The following GPC5 variants were observed in gnomAD, a reference collection of about 807,000 sequenced individuals.
GPC5 encodes glypican-5.
GPC5 carries 47 observed loss-of-function variants against 53.9 expected under a neutral mutation model. The observed-to-expected ratio is 0.87, with a 90% confidence interval of 0.69 to 1.11. GPC5 has a LOEUF of 1.11. Among genes scored for constraint, GPC5 ranks in the 50% most tolerant of loss-of-function variants. GPC5 has a pLI of 0.00. For missense variants in GPC5, 748 were observed against 713.1 expected, an observed-to-expected ratio of 1.05 and a Z score of -0.56; for synonymous variants, 286 against 263.3, an observed-to-expected ratio of 1.09 and a Z score of -0.84.
At chr13:92,049,752 T>C (rs1393750763) in intron 6 of GPC5, among the ~76,000 whole-genome samples, 1 of 152,174 alleles carries the variant, frequency 6.6e-6, no homozygotes, top group Non-Finnish European at 1.5e-5. Context: ...TAGATTGCAA[T>C]GTTAACTAAC....
intron 7 of GPC5, among the ~76,000 whole-genome samples, chr13:92,315,237 A>C (rs1566534841): frequency 6.6e-6 from 1 of 152,216 alleles, no homozygotes; most frequent in Non-Finnish European, 1.5e-5. Flanking sequence ...TAATCCCAGG[A>C]GCAAGATCGT....
At chr13:92,298,146 G>T (rs1041277046) in intron 7 of GPC5, among the ~76,000 whole-genome samples, 1 of 152,124 alleles carries the variant, frequency 6.6e-6, no homozygotes, top group South Asian at 2.1e-4. Context: ...CACACAATCC[G>T]AAGGGCCAGT....
chr13:92,676,241 A>G (rs1300520242), intron 7 of GPC5, among the ~76,000 whole-genome samples: 1 of 152,176 alleles, frequency 6.6e-6, no homozygotes, highest in Non-Finnish European at 1.5e-5. Flanking sequence ...TATAATTTGA[A>G]TAGCTCTTAG....
chr13:92,051,762 T>C (rs932103966), intron 6 of GPC5, among the ~76,000 whole-genome samples: 3 of 152,124 alleles, frequency 2.0e-5, no homozygotes, highest in African/African-American at 7.2e-5. Flanking sequence ...AGAGCCCCTC[T>C]CATATAAAAA....
At chr13:92,480,076 C>T (rs1388170217) in intron 7 of GPC5, among the ~76,000 whole-genome samples, 1 of 152,004 alleles carries the variant, frequency 6.6e-6, no homozygotes, top group Non-Finnish European at 1.5e-5. Flanking sequence ...CACTTGAGGC[C>T]AGGAGTTTGA....
At chr13:91,598,068 A>T (rs889694920) in intron 2 of GPC5, among the ~76,000 whole-genome samples, 6 of 152,076 alleles carry the variant, frequency 3.9e-5, no homozygotes, top group Non-Finnish European at 8.8e-5. Context: ...TCTTCTTTAA[A>T]ACTCTACAAG....
chr13:91,567,066 C>T (rs963597181), intron 2 of GPC5, among the ~76,000 whole-genome samples: 1 of 151,932 alleles, frequency 6.6e-6, no homozygotes, highest in Admixed American at 6.6e-5. Flanking sequence ...CTCCCATCAT[C>T]ATGCTTTTAT....
chr13:91,569,326 G>T (rs1048290152), intron 2 of GPC5, among the ~76,000 whole-genome samples: 1 of 152,040 alleles, frequency 6.6e-6, no homozygotes, highest in Non-Finnish European at 1.5e-5. Flanking sequence ...TAAGTTCTAG[G>T]TCAGTGTTTC....
chr13:92,859,255 T>G (rs1879105725), intron 7 of GPC5, among the ~76,000 whole-genome samples: 1 of 152,172 alleles, frequency 6.6e-6, no homozygotes, highest in Admixed American at 6.6e-5. Context: ...TCTCTAAAAA[T>G]AATAACAAAA....
intron 7 of GPC5, among the ~76,000 whole-genome samples, chr13:92,230,066 C>T (rs2042518925): frequency 6.6e-6 from 1 of 151,952 alleles, no homozygotes. Context: ...ATACATTTGT[C>T]TAAAAGAGAA....
chr13:91,648,428 C>A (rs549984172), intron 2 of GPC5, among the ~76,000 whole-genome samples: 173 of 134,424 alleles, frequency 1.3e-3, no homozygotes, highest in African/African-American at 6.6e-3. Context: ...ATGAGATTGT[C>A]ACTCTTACAT....
intron 7 of GPC5, among the ~76,000 whole-genome samples, chr13:92,545,606 G>C (rs993538188): frequency 6.6e-5 from 10 of 152,028 alleles, no homozygotes; most frequent in African/African-American, 1.2e-4. Flanking sequence ...TTTAATGATC[G>C]CCATTCTAAC....
At chr13:92,703,052 A>ATATT (rs138015246) in intron 7 of GPC5, among the ~76,000 whole-genome samples, 15,009 of 145,708 alleles carry the variant, frequency 0.1, 839 homozygotes, top group Middle Eastern at 0.15. Context: ...GCATATATAT[A>ATATT]TATTTATTTA....
Position 92,216,104 on chromosome 13 carries a change from C to T in GPC5, c.1561+71115C>T, listed in dbSNP as rs186137383. On this transcript the variant is annotated intron_variant, in intron 7 of 7. Coordinates refer to ENST00000377067, the MANE Select transcript of GPC5 (RefSeq NM_004466.6). ...ACAGAAAAACATCATTCCTGAGATACAGACGGGCAGTTCTTCCAGACCAGT... is the reference window on the plus strand; with the variant it reads ...ACAGAAAAACATCATTCCTGAGATATAGACGGGCAGTTCTTCCAGACCAGT... Among the ~76,000 whole-genome samples, 855 of 152,294 alleles carry T rather than the reference C, an allele frequency of 5.6e-3. 9 individuals are homozygous for T. Among genetic ancestry groups the T allele is most frequent in the African/African-American group, 0.019 (785 of 41,566 alleles).
chr13:92,517,995 G>A (rs556737722), intron 7 of GPC5, among the ~76,000 whole-genome samples: 1 of 152,272 alleles, frequency 6.6e-6, no homozygotes, highest in Admixed American at 6.5e-5. Flanking sequence ...ACCTGATGGA[G>A]CTGAAAACCA....
At chr13:92,837,049 G>T (rs1417784517) in intron 7 of GPC5, among the ~76,000 whole-genome samples, 1 of 152,056 alleles carries the variant, frequency 6.6e-6, no homozygotes, top group Non-Finnish European at 1.5e-5. Context: ...GCACATTATG[G>T]AAGAGACCTG....
chr13:91,756,308 A>G lies in GPC5; in HGVS notation c.1168A>G (p.Ser390Gly), dbSNP rs776752383. The change falls in exon 5 of 8, where the codon AGC (serine) becomes GGC (glycine). Residue 390 changes from serine (S) to glycine (G), a missense_variant. Ser to Gly is a moderately conservative substitution (Grantham distance 56). Transcript: ENST00000377067. ...LANRRKEFIN[S>G]LRLYRSFYGG... ...TCTTTCATTTAGAGAATTTATCAAC[A>G]GCCTTCGACTGTACAGGTCATTCTA... 2 of 1,491,786 alleles carry G rather than the reference A, an allele frequency of 1.3e-6. No individual in the cohort carries two copies. The highest frequency in any genetic ancestry group is 1.8e-6 in the Non-Finnish European group (2 of 1,105,986). The allele number at this position is 1,491,786 out of a possible 1,614,324, so 92.4% of individuals were successfully genotyped here. A position where few individuals can be genotyped will look rare whatever the true frequency, so the allele number is the denominator to read the frequency against.
chr13:91,541,166 A>G (rs970181974), intron 2 of GPC5, among the ~76,000 whole-genome samples: 4 of 152,178 alleles, frequency 2.6e-5, no homozygotes, highest in South Asian at 2.1e-4. Context: ...TTTATCTACT[A>G]TTATAGAAAT....
At chr13:91,927,073 T>C (rs1234596851) in intron 6 of GPC5, among the ~76,000 whole-genome samples, 14 of 152,206 alleles carry the variant, frequency 9.2e-5, no homozygotes, top group Non-Finnish European at 4.4e-5. Context: ...GGAAAAATAC[T>C]TAAAATCATA....
Sources: gnomAD v4.1 joint callset for allele counts (sites outside exome capture counted in the v4.1 genomes callset) on GRCh38, gnomAD v4.1.1 for gene constraint, MANE v1.5 for transcripts, NCBI Gene and HGNC (gene_info 2026-07-23, HGNC 2026-07-21) for gene names.